Variants in ABCA4 observed in about 807,000 individuals in gnomAD.
ABCA4 encodes retinal-specific phospholipid-transporting ATPase ABCA4.
A neutral mutation model predicts 263.7 loss-of-function variants in ABCA4; 196 were observed. That is an observed-to-expected ratio of 0.74 (90% CI 0.66 to 0.84). The LOEUF (loss-of-function observed/expected upper bound fraction) is 0.84, where lower values mean the gene tolerates loss of function less well. ABCA4 is among the 40% of genes least tolerant of loss of function. The probability of loss-of-function intolerance (pLI) is 0.00; values close to 1 mark genes in which losing one functional copy is unlikely to be tolerated. For missense variants in ABCA4, 2,792 were observed against 2,855.1 expected, an observed-to-expected ratio of 0.98 and a Z score of 0.50; for synonymous variants, 1,133 against 1,094.2, an observed-to-expected ratio of 1.04 and a Z score of -0.70.
intron 47 of ABCA4, 72 bp downstream of exon 47, chr1:94,000,764 T>C (rs1455298862): frequency 2.0e-6 from 3 of 1,491,782 alleles, no homozygotes; most frequent in Non-Finnish European, 2.8e-6. Flanking sequence ...CTCTTCCAAG[T>C]GTCAATGGAG....
Position 94,098,994 on chromosome 1 carries a change from G to T in ABCA4, c.571-3C>A, listed in dbSNP as rs754918602. ...AGGTCCGGGACTCCATGAGCGAACTGCAGGGAGAAGAGGCAACACTAGAAA... is the reference window on the plus strand; with the variant it reads ...AGGTCCGGGACTCCATGAGCGAACTTCAGGGAGAAGAGGCAACACTAGAAA... On this transcript the variant is annotated splice_polypyrimidine_tract_variant and splice_region_variant and intron_variant, in intron 5 of 49. Coordinates refer to ENST00000370225, the MANE Select transcript of ABCA4 (RefSeq NM_000350.3). 10 of 1,603,830 alleles carry T rather than the reference G, an allele frequency of 6.2e-6. No homozygotes were observed. The highest frequency in any genetic ancestry group is 8.5e-6 in the Non-Finnish European group (10 of 1,179,332).
chr1:94,027,459 G>A (rs1039707135), intron 30 of ABCA4, among the ~76,000 whole-genome samples: 2 of 152,202 alleles, frequency 1.3e-5, no homozygotes, highest in African/African-American at 4.8e-5. Flanking sequence ...AGCATTGACA[G>A]CAAAGCAAAC....
At chr1:94,087,833 G>C (rs1265827118) in intron 6 of ABCA4, among the ~76,000 whole-genome samples, 1 of 152,118 alleles carries the variant, frequency 6.6e-6, no homozygotes, top group African/African-American at 2.4e-5. Flanking sequence ...CCAGGTGCTG[G>C]GGACACGGCA....
rs374344839 is a variant in ABCA4 at position 94,030,451 on chromosome 1, G to A, written c.4329C>T (p.Arg1443=). Residue 1443 remains arginine (R), a synonymous_variant, in exon 29 of 50, where the codon CGC becomes CGT. Transcript: ENST00000370225. The part of the protein sequence containing the change: ...VLLNKPGFGN[R]CLKEGWLPEY... ...ACGGAAGCCACCCTTCCTTCAGGCA[G>A]CGGTTGCCAAAGCCTGGCTTATTCA... 69 of 1,614,226 alleles carry A rather than the reference G, an allele frequency of 4.3e-5. No homozygotes were observed. Among genetic ancestry groups the A allele is most frequent in the Non-Finnish European group, 5.8e-5 (69 of 1,180,042 alleles).
chr1:94,014,489 A>G (rs1659667033), intron 38 of ABCA4, 54 bp downstream of exon 38: 1 of 1,601,064 alleles, frequency 6.2e-7, no homozygotes, highest in East Asian at 2.2e-5. Flanking sequence ...CTCGACCAAC[A>G]CATACTCTAC....
rs61750651 is a variant in ABCA4 at position 94,001,005 on chromosome 1, T to C, written c.6383A>G (p.His2128Arg). The C allele has an allele frequency of 1.2e-6, 2 of 1,614,076 alleles. No homozygotes were observed. Among genetic ancestry groups the C allele is most frequent in the Admixed American group, 1.7e-5 (1 of 60,022 alleles). The change falls in exon 46 of 50, where the codon CAC (histidine) becomes CGC (arginine). Residue 2128 changes from histidine to arginine, a missense_variant. His to Arg is a conservative substitution (Grantham distance 29). Transcript: ENST00000370225. ...CCCAGCCCTGGGAATCTCTTGCCTGTGGGATGTGAGGACCACAGCCCTCCC... is the reference window on the plus strand; with the variant it reads ...CCCAGCCCTGGGAATCTCTTGCCTGCGGGATGTGAGGACCACAGCCCTCCC... Reference protein sequence around the residue: ...REGRAVVLTSHSMEECEALCT... With the variant: ...REGRAVVLTSRSMEECEALCT...
chr1:94,050,836 T>G (rs1261390878), intron 17 of ABCA4, among the ~76,000 whole-genome samples: 2 of 152,114 alleles, frequency 1.3e-5, no homozygotes, highest in Non-Finnish European at 2.9e-5. Context: ...TCCATCTCAG[T>G]GCTTGCAGGA....
Position 93,998,098 on chromosome 1 carries a change from G to A in ABCA4, c.6492C>T (p.Gly2164=), listed in dbSNP as rs773207633. Residue 2164 remains glycine (G), a synonymous_variant, in exon 48 of 50, where the codon GGC becomes GGT. Coordinates refer to ENST00000370225, the MANE Select transcript of ABCA4 (RefSeq NM_000350.3). ...IQHLKSKFGD[G]YIVTMKIKSP... is the part of the protein sequence containing the mutation. ...ATTTGATCTTCATTGTGACGATATA[G>A]CCATCTCCAAATCTAGGGGATGCAC... 3.7e-6 allele frequency: 6 copies of A among 1,614,158 alleles called. No individual in the cohort carries two copies. The highest frequency in any genetic ancestry group is 1.6e-4 in the Middle Eastern group (1 of 6,062).
Position 94,062,590 on chromosome 1 carries a change from A to T in ABCA4, c.1924T>A (p.Phe642Ile), listed in dbSNP as rs2101078030. The T allele has an allele frequency of 6.2e-7, 1 of 1,614,206 alleles. No individual in the cohort carries two copies. The highest frequency in any genetic ancestry group is 1.1e-5 in the South Asian group (1 of 91,088). ...CTTCAGACTCACGAATCGTCCACGA[A>T]GCAGGGGTAGGGCATCTGCTGGAGG... is the stretch of plus-strand genomic sequence containing the variant. The part of the protein sequence containing the change: ...IYLQQMPYPC[F>I]VDDSFMIILN... The change falls in exon 13 of 50, where the codon TTC becomes ATC. Residue 642 changes from phenylalanine to isoleucine, a missense_variant. Transcript: ENST00000370225.
intron 21 of ABCA4, 85 bp from the exon 22 acceptor site, chr1:94,042,983 T>C: frequency 1.3e-6 from 2 of 1,570,492 alleles, no homozygotes; most frequent in Non-Finnish European, 8.8e-7. Context: ...ATTGTGGGGG[T>C]ACCTTAACCC....
chr1:94,095,218 A>G (rs1396302133), intron 6 of ABCA4, among the ~76,000 whole-genome samples: 2 of 151,804 alleles, frequency 1.3e-5, no homozygotes, highest in Non-Finnish European at 2.9e-5. Context: ...GAAGATGACA[A>G]CACTCACTTC....
intron 19 of ABCA4, chr1:94,045,977 G>T: frequency 4.4e-6 from 2 of 455,754 alleles, no homozygotes; most frequent in Non-Finnish European, 8.8e-6. Context: ...TGAGAGATCC[G>T]CGCAGAGCCC....
intron 6 of ABCA4, 128 bp downstream of exon 6, chr1:94,098,666 G>T: frequency 9.0e-7 from 1 of 1,105,350 alleles, no homozygotes; most frequent in East Asian, 2.5e-5. Context: ...TTTGAGCCCT[G>T]GGAGCCTGGA....
chr1:93,997,267 T>C (rs1659032763), intron 48 of ABCA4, among the ~76,000 whole-genome samples: 1 of 152,196 alleles, frequency 6.6e-6, no homozygotes, highest in African/African-American at 2.4e-5. Context: ...TGTTTTGTTT[T>C]GCTTTTTTGA....
chr1:94,097,451 C>T (rs1434084303), intron 6 of ABCA4, among the ~76,000 whole-genome samples: 1 of 152,140 alleles, frequency 6.6e-6, no homozygotes, highest in Non-Finnish European at 1.5e-5. Context: ...AAACACAGTT[C>T]CTCAATCAAG....
rs959119236 is a variant in ABCA4 at position 94,080,708 on chromosome 1, C to T, written c.869G>A (p.Arg290Gln). Reference protein sequence around the residue: ...MSPRIQEFIHRPSMQDLLWVT... With the variant: ...MSPRIQEFIHQPSMQDLLWVT... Reference sequence around the variant, plus strand: ...CCACAGCAAGTCCTGCATACTCGGCCGATGGATAAACTAGGGCAAGGCAAA... The same window carrying T: ...CCACAGCAAGTCCTGCATACTCGGCTGATGGATAAACTAGGGCAAGGCAAA... Residue 290 changes from arginine (R) to glutamine (Q), a missense_variant, in exon 8 of 50, where the codon CGG becomes CAG. Physicochemically the swap from Arg to Gln is conservative, Grantham distance 43. Transcript: ENST00000370225. 82 of 1,613,898 alleles carry T rather than the reference C, an allele frequency of 5.1e-5. No homozygotes were observed. The highest frequency in any genetic ancestry group is 4.2e-4 in the East Asian group (19 of 44,892).
At chr1:94,102,486 T>A (rs369782070) in intron 5 of ABCA4, among the ~76,000 whole-genome samples, 1 of 151,776 alleles carries the variant, frequency 6.6e-6, no homozygotes, top group Middle Eastern at 3.4e-3. Context: ...TTCCTGAGCA[T>A]CCCCCTTAAA....
intron 25 of ABCA4, 59 bp downstream of exon 25, chr1:94,037,086 T>C (rs566318297): frequency 5.1e-6 from 8 of 1,574,118 alleles, no homozygotes; most frequent in Non-Finnish European, 6.1e-6. Context: ...ATGTTAGACT[T>C]TTTCAAAGAA....
intron 4 of ABCA4, among the ~76,000 whole-genome samples, chr1:94,104,961 A>G (rs1013498541): frequency 1.3e-5 from 2 of 151,916 alleles, no homozygotes; most frequent in African/African-American, 4.8e-5. Context: ...ACGCACACAC[A>G]CACGCATGCA....
Sources: allele counts gnomAD v4.1 joint callset (sites outside exome capture counted in the v4.1 genomes callset), GRCh38; gene constraint gnomAD v4.1.1; transcripts MANE v1.5; gene names NCBI Gene and HGNC (gene_info 2026-07-23, HGNC 2026-07-21).